The following LAMA4 variants were observed in gnomAD, a reference collection of about 807,000 sequenced individuals.
The protein encoded by LAMA4 is laminin subunit alpha 4.
A neutral mutation model predicts 207.1 loss-of-function variants in LAMA4; 127 were observed. The observed-to-expected ratio is 0.61, with a 90% confidence interval of 0.53 to 0.71. LAMA4 has a LOEUF of 0.71. Ranked by LOEUF, LAMA4 falls within the 30% of genes least tolerant of loss-of-function variation. The pLI, the probability that LAMA4 is intolerant of heterozygous loss-of-function variation, is 0.00. For synonymous variants in LAMA4, 761 were observed against 816.0 expected, an observed-to-expected ratio of 0.93 and a Z score of 1.15; for missense variants, 2,093 against 2,246.5, an observed-to-expected ratio of 0.93 and a Z score of 1.38.
chr6:112,228,794 C>G (rs1380909539), intron 2 of LAMA4, among the ~76,000 whole-genome samples: 1 of 152,188 alleles, frequency 6.6e-6, no homozygotes, highest in Non-Finnish European at 1.5e-5. Context: ...ATTACTTTCC[C>G]TGAAATGCAA....
At chr6:112,133,291 C>T in intron 27 of LAMA4, 58 bp downstream of exon 27, 1 of 1,591,306 alleles carries the variant, frequency 6.3e-7, no homozygotes, top group Admixed American at 1.7e-5. Flanking sequence ...ACTTTTCCAG[C>T]TTTTGAGAGT....
chr6:112,239,788 G>T (rs1786246468), intron 2 of LAMA4, among the ~76,000 whole-genome samples: 1 of 152,114 alleles, frequency 6.6e-6, no homozygotes, highest in Non-Finnish European at 1.5e-5. Flanking sequence ...TTGAGGCCGG[G>T]TGCGGTGGCT....
At chr6:112,179,823 C>A in intron 9 of LAMA4, 1 of 461,544 alleles carries the variant, frequency 2.2e-6, no homozygotes, top group South Asian at 1.7e-5. Flanking sequence ...AGTCACAGAG[C>A]CCACTGTGCA....
Position 112,181,224 on chromosome 6 carries a change from G to A in LAMA4, c.1078-2992C>T, listed in dbSNP as rs78429806. ...GCTCTCTTCTCTAGACCACTGTGGCGGTCTCCTAAGCAGTGCCCCTATTGT... is the reference window on the plus strand; with the variant it reads ...GCTCTCTTCTCTAGACCACTGTGGCAGTCTCCTAAGCAGTGCCCCTATTGT... On this transcript the variant is annotated intron_variant, in intron 9 of 38. Coordinates refer to ENST00000230538, the MANE Select transcript of LAMA4 (RefSeq NM_001105206.3). Among the ~76,000 whole-genome samples the A allele has an allele frequency of 1.6e-3, 237 of 152,268 alleles. 8 individuals are homozygous for A. In the East Asian group the frequency reaches 0.038, roughly 25 times the overall value.
chr6:112,137,260 T>C (rs782031104), intron 24 of LAMA4, among the ~76,000 whole-genome samples: 15 of 152,234 alleles, frequency 9.9e-5, no homozygotes, highest in Non-Finnish European at 2.1e-4. Flanking sequence ...CCCTATTCTA[T>C]AGGAAGTGAT....
At chr6:112,119,834 A>C (rs1351017762) in intron 33 of LAMA4, among the ~76,000 whole-genome samples, 1 of 152,218 alleles carries the variant, frequency 6.6e-6, no homozygotes, top group Non-Finnish European at 1.5e-5. Context: ...CTTGTAATGC[A>C]TGTTACATTG....
At chr6:112,113,932 G>A (rs1777854169) in intron 38 of LAMA4, 144 bp downstream of exon 38, 1 of 899,920 alleles carries the variant, frequency 1.1e-6, no homozygotes, top group Non-Finnish European at 1.8e-6. Flanking sequence ...ACTTTATTAT[G>A]CCTTTTCCAT....
At chr6:112,169,310 G>A (rs142721559) in intron 12 of LAMA4, among the ~76,000 whole-genome samples, 4 of 152,250 alleles carry the variant, frequency 2.6e-5, no homozygotes, top group African/African-American at 9.6e-5. Flanking sequence ...GAGGGGAGAG[G>A]AGAACCCTGG....
chr6:112,158,589 C>G, intron 14 of LAMA4, 143 bp downstream of exon 14: 1 of 839,640 alleles, frequency 1.2e-6, no homozygotes, highest in Middle Eastern at 2.3e-4. Context: ...ACCAACCAAC[C>G]AACCAACATA....
At chr6:112,226,825 C>G (rs1273260222) in intron 2 of LAMA4, among the ~76,000 whole-genome samples, 1 of 151,934 alleles carries the variant, frequency 6.6e-6, no homozygotes, top group African/African-American at 2.4e-5. Context: ...CTTTTAAATA[C>G]AATATTGAGG....
intron 9 of LAMA4, chr6:112,179,665 G>A (rs1554344840): frequency 1.6e-5 from 3 of 185,154 alleles, no homozygotes; most frequent in East Asian, 3.3e-4. Flanking sequence ...TACCGGGAAC[G>A]TTTTTACACT....
intron 31 of LAMA4, among the ~76,000 whole-genome samples, chr6:112,125,113 T>C (rs575050913): frequency 4.6e-5 from 7 of 152,352 alleles, no homozygotes; most frequent in Non-Finnish European, 7.3e-5. Context: ...CTAGAATCAA[T>C]TGGAAAGCTA....
At chr6:112,245,846 A>C (rs2114416083) in intron 2 of LAMA4, among the ~76,000 whole-genome samples, 1 of 152,348 alleles carries the variant, frequency 6.6e-6, no homozygotes, top group East Asian at 1.9e-4. Context: ...GTCATTTTGC[A>C]TATTACTCAA....
chr6:112,158,522 G>T (rs1780857827), intron 14 of LAMA4, among the ~76,000 whole-genome samples: 2 of 151,458 alleles, frequency 1.3e-5, no homozygotes, highest in Non-Finnish European at 2.9e-5. Flanking sequence ...AATGAACAAT[G>T]ATGGACTCTC....
intron 5 of LAMA4, among the ~76,000 whole-genome samples, chr6:112,193,810 ACTG>A (rs1783258886): frequency 6.6e-6 from 1 of 152,174 alleles, no homozygotes; most frequent in Admixed American, 6.5e-5. Flanking sequence ...CCTGGACCAC[ACTG>A]CTGCTGCTAT....
intron 2 of LAMA4, among the ~76,000 whole-genome samples, chr6:112,239,198 G>A (rs1554367176): frequency 6.6e-6 from 1 of 151,830 alleles, no homozygotes; most frequent in African/African-American, 2.4e-5. Context: ...GCAGGCACCT[G>A]TAGTCCCAGC....
intron 9 of LAMA4, chr6:112,179,528 T>C (rs1396394359): frequency 6.6e-6 from 1 of 152,328 alleles, no homozygotes; most frequent in African/African-American, 2.4e-5. Flanking sequence ...GAAGGAGCTG[T>C]GGGGTGATCT....
Position 112,109,564 on chromosome 6 carries a change from C to G in LAMA4, c.5345G>C (p.Arg1782Pro), listed in dbSNP as rs782638314. Residue 1782 changes from arginine (R) to proline (P), a missense_variant, in exon 39 of 39, where the codon CGC becomes CCC. Transcript: ENST00000230538. ...GGVPESLLTP[R>P]LAPSKPFTGC... The stretch of plus-strand genomic sequence containing the variant: ...TGTGAAGGGTTTGCTGGGGGCCAAG[C>G]GTGGTGTCAGTAGAGATTCTGAAAA... 1.2e-6 allele frequency: 2 copies of G among 1,613,938 alleles called. No homozygotes were observed. The highest frequency in any genetic ancestry group is 2.2e-5 in the South Asian group (2 of 91,066).
At chr6:112,207,810 T>A (rs1373077084) in intron 3 of LAMA4, among the ~76,000 whole-genome samples, 1 of 152,170 alleles carries the variant, frequency 6.6e-6, no homozygotes, top group East Asian at 1.9e-4. Flanking sequence ...CATTCATCAT[T>A]CAAGATCACA....
Sources: gnomAD v4.1 joint callset for allele counts (sites outside exome capture counted in the v4.1 genomes callset) on GRCh38, gnomAD v4.1.1 for gene constraint, MANE v1.5 for transcripts, NCBI Gene and HGNC (gene_info 2026-07-23, HGNC 2026-07-21) for gene names.